KCTD20: variants seen among roughly 807,000 people sequenced by gnomAD.
KCTD20 encodes the protein potassium channel tetramerization domain containing 20.
In KCTD20, 30 loss-of-function variants were observed where a neutral mutation model predicts 39.6. The ratio of observed to expected loss-of-function variants is 0.76; its 90% CI spans 0.57 to 1.03. The LOEUF (loss-of-function observed/expected upper bound fraction) is 1.03, where lower values mean the gene tolerates loss of function less well. Among genes scored for constraint, KCTD20 ranks in the 50% least tolerant of loss-of-function variants. The pLI is 0.00. For missense variants in KCTD20, 422 were observed against 522.0 expected (o/e 0.81, Z 1.87); for synonymous variants, 162 against 180.6 (o/e 0.90, Z 0.83).
chr6:36,485,734 C>G (rs1048265980), intron 7 of KCTD20, among the ~76,000 whole-genome samples: 1 of 152,056 alleles, frequency 6.6e-6, no homozygotes, highest in African/African-American at 2.4e-5. Context: ...ACCTCGTGAT[C>G]CGCCGCCTCG....
At chr6:36,476,491 G>A (rs1240627298) in intron 3 of KCTD20, among the ~76,000 whole-genome samples, 1 of 149,842 alleles carries the variant, frequency 6.7e-6, no homozygotes. Context: ...GGGCAGTGGT[G>A]CAATCTCGGC....
In KCTD20 at chr6:36,466,694, C is replaced by CT. The variant is rs148182034; in HGVS notation, c.-46-3348dup. Among the ~76,000 whole-genome samples, 1,038 of 148,794 alleles carry CT rather than the reference C, an allele frequency of 7.0e-3. 7 individuals carry two copies. Among genetic ancestry groups the CT allele is most frequent in the African/African-American group, 0.021 (871 of 40,702 alleles). ...ACTGCGCCTTGCCTTTTTTTCTTTC[C>CT]TTTTTTTTTTCCCCGCCTTCAATCT... On this transcript the variant is annotated intron_variant, in intron 1 of 7. Transcript: ENST00000373731.
intron 1 of KCTD20, among the ~76,000 whole-genome samples, chr6:36,457,688 A>G (rs1419954139): frequency 6.6e-6 from 1 of 152,214 alleles, no homozygotes; most frequent in African/African-American, 2.4e-5. Context: ...AAAAATGTCA[A>G]GAAGTCTGGA....
At chr6:36,463,696 G>T (rs1242676991) in intron 1 of KCTD20, among the ~76,000 whole-genome samples, 2 of 152,154 alleles carry the variant, frequency 1.3e-5, no homozygotes, top group Non-Finnish European at 2.9e-5. Context: ...CATCATCTTT[G>T]AGGAACAGCC....
chr6:36,454,188 C>T lies in KCTD20; in HGVS notation c.-47+11077C>T, dbSNP rs995677274. 2.0e-5 allele frequency among the ~76,000 whole-genome samples: 3 copies of T among 152,254 alleles called. 1 individual carries two copies. Among genetic ancestry groups the T allele is most frequent in the African/African-American group, 2.4e-5 (1 of 41,550 alleles). On this transcript the variant is annotated intron_variant, in intron 1 of 7. Coordinates refer to ENST00000373731, the MANE Select transcript of KCTD20 (RefSeq NM_173562.5). ...TAATTTATGAATGATGTTATTCAAA[C>T]CTTCTATATGAGCAGTGGACAAACT...
At chr6:36,475,933 C>G (rs1053070088) in intron 3 of KCTD20, among the ~76,000 whole-genome samples, 1 of 152,136 alleles carries the variant, frequency 6.6e-6, no homozygotes, top group Admixed American at 6.6e-5. Context: ...TAAATAGAAT[C>G]TTTAAACCTA....
At chr6:36,460,473 T>G (rs1277796373) in intron 1 of KCTD20, among the ~76,000 whole-genome samples, 2 of 152,048 alleles carry the variant, frequency 1.3e-5, no homozygotes, top group Non-Finnish European at 2.9e-5. Flanking sequence ...CCAGCTAATT[T>G]TTTGTATTTT....
chr6:36,465,250 C>T (rs900344064), intron 1 of KCTD20, among the ~76,000 whole-genome samples: 3 of 147,874 alleles, frequency 2.0e-5, no homozygotes, highest in East Asian at 4.0e-4. Context: ...GAGCTGGGAT[C>T]GTACCACTGC....
chr6:36,450,051 C>T (rs1775193656), intron 1 of KCTD20, among the ~76,000 whole-genome samples: 1 of 151,010 alleles, frequency 6.6e-6, no homozygotes, highest in South Asian at 2.1e-4. Context: ...GTAGTCCCAG[C>T]TACTTGGGAG....
At chr6:36,456,116 T>C (rs1775426407) in intron 1 of KCTD20, among the ~76,000 whole-genome samples, 1 of 152,170 alleles carries the variant, frequency 6.6e-6, no homozygotes, top group African/African-American at 2.4e-5. Context: ...AGGTTTATTC[T>C]GGTAGAAACT....
intron 1 of KCTD20, among the ~76,000 whole-genome samples, chr6:36,454,045 T>C (rs1350265638): frequency 6.6e-6 from 1 of 152,248 alleles, no homozygotes; most frequent in Non-Finnish European, 1.5e-5. Context: ...ACATAACTAT[T>C]CTTTCAATCT....
chr6:36,477,476 C>CT (rs1776096617), intron 3 of KCTD20, among the ~76,000 whole-genome samples: 1 of 137,442 alleles, frequency 7.3e-6, no homozygotes, highest in Non-Finnish European at 1.6e-5. Flanking sequence ...GAATCATTTT[C>CT]TTTTCTTTTT....
chr6:36,482,421 C>T (rs1476087213), intron 6 of KCTD20, among the ~76,000 whole-genome samples: 3 of 152,034 alleles, frequency 2.0e-5, no homozygotes, highest in Non-Finnish European at 4.4e-5. Context: ...GGCATGGTGG[C>T]GTGCGCCTGT....
At position 36,483,867 on chromosome 6, in the gene KCTD20, TA is replaced by T. The variant is rs563284357; in HGVS notation, c.857-838del. Among the ~76,000 whole-genome samples the T allele has an allele frequency of 2.5e-3, 379 of 149,290 alleles. 2 individuals carry two copies. The highest frequency in any genetic ancestry group is 8.7e-3 in the African/African-American group (352 of 40,666). ...TTATCTTTGCTACTTTCTTAGTAAG[TA>T]AAAAAAAACGGCAGAATCTCATGAT... On this transcript the variant is annotated intron_variant, in intron 6 of 7. Transcript: ENST00000373731.
rs369273372 is a variant in KCTD20, at chr6:36,479,719, C to T, written c.658+8C>T. ...TCCGATGTCAAGATCTGAGTAAGTA[C>T]AGGAGCAGGTGCCAGCTGCACTTAA... On this transcript the variant is annotated splice_region_variant and intron_variant, in intron 5 of 7. Coordinates refer to ENST00000373731, the MANE Select transcript of KCTD20 (RefSeq NM_173562.5). 91 of 1,571,840 alleles carry T rather than the reference C, an allele frequency of 5.8e-5. No individual in the cohort carries two copies. The highest frequency in any genetic ancestry group is 6.9e-5 in the Non-Finnish European group (80 of 1,159,014).
At position 36,481,744 on chromosome 6, in the gene KCTD20, G is replaced by A; in HGVS notation, c.841G>A (p.Glu281Lys). ...WDEDHPPPMG[E>K]EYSQILYSSK... ...TGAAGACCACCCTCCACCAATGGGG[G>A]AGGAATATTCCCAAAGTAGGAGCTT... Residue 281 changes from glutamate (E) to lysine (K), a missense_variant, in exon 6 of 8, where the codon GAG (glutamate) becomes AAG (lysine). Transcript: ENST00000373731. The A allele has an allele frequency of 6.2e-7, 1 of 1,614,156 alleles. No individual in the cohort carries two copies. Among genetic ancestry groups the A allele is most frequent in the East Asian group, 2.2e-5 (1 of 44,882 alleles).
chr6:36,484,753 T>C lies in KCTD20; in HGVS notation c.896T>C (p.Ile299Thr). 6.2e-7 allele frequency: 1 copy of C among 1,606,678 alleles called. No individual in the cohort carries two copies. The highest frequency in any genetic ancestry group is 8.5e-7 in the Non-Finnish European group (1 of 1,175,304). Reference protein sequence around the residue: ...SSKLYRFFKYIENRDVAKTVL... With the variant: ...SSKLYRFFKYTENRDVAKTVL... Reference sequence around the variant, plus strand: ...AAGCTCTACAGATTCTTCAAATATATTGAGAATAGGGATGTTGCAAAAACA... The same window carrying C: ...AAGCTCTACAGATTCTTCAAATATACTGAGAATAGGGATGTTGCAAAAACA... The change falls in exon 7 of 8, where the codon ATT becomes ACT. Residue 299 changes from isoleucine to threonine, a missense_variant. Coordinates refer to ENST00000373731, the MANE Select transcript of KCTD20 (RefSeq NM_173562.5).
At chr6:36,479,281 C>A in intron 4 of KCTD20, 58 bp downstream of exon 4, 3 of 1,192,320 alleles carry the variant, frequency 2.5e-6, no homozygotes, top group Non-Finnish European at 3.7e-6. Flanking sequence ...TGATCAATAG[C>A]CTTGAGAGTT....
intron 1 of KCTD20, among the ~76,000 whole-genome samples, chr6:36,447,283 G>C (rs1280334866): frequency 6.6e-6 from 1 of 152,182 alleles, no homozygotes; most frequent in Non-Finnish European, 1.5e-5. Context: ...TCATAGAACT[G>C]TGCCTCACAA....
Sources: allele counts gnomAD v4.1 joint callset (sites outside exome capture counted in the v4.1 genomes callset), GRCh38; gene constraint gnomAD v4.1.1; transcripts MANE v1.5; gene names NCBI Gene and HGNC (gene_info 2026-07-23, HGNC 2026-07-21).